The following TOPAZ1 variants were observed in gnomAD, a reference collection of about 807,000 sequenced individuals.
TOPAZ1 encodes the protein protein TOPAZ1.
A neutral mutation model predicts 172.2 loss-of-function variants in TOPAZ1; 66 were observed. The ratio of observed to expected loss-of-function variants is 0.38; its 90% CI spans 0.31 to 0.47. TOPAZ1 has a LOEUF of 0.47. Ranked by LOEUF, TOPAZ1 falls within the 20% of genes least tolerant of loss-of-function variation. The pLI is 0.99. For synonymous variants in TOPAZ1, 681 were observed against 683.9 expected, an observed-to-expected ratio of 1.00 and a Z score of 0.07; for missense variants, 1,822 against 1,972.4, an observed-to-expected ratio of 0.92 and a Z score of 1.44.
At chr3:44,294,658 T>C (rs568619879) in intron 12 of TOPAZ1, among the ~76,000 whole-genome samples, 8 of 152,272 alleles carry the variant, frequency 5.3e-5, no homozygotes, top group African/African-American at 9.6e-5. Flanking sequence ...CGTGCCATTG[T>C]GCCCTAGCTA....
At chr3:44,316,792 T>G (rs1343330039) in intron 16 of TOPAZ1, among the ~76,000 whole-genome samples, 1 of 152,224 alleles carries the variant, frequency 6.6e-6, no homozygotes, top group Non-Finnish European at 1.5e-5. Context: ...TTTATTTATT[T>G]CCCCAAAATG....
At chr3:44,293,638 C>T (rs1700163781) in intron 12 of TOPAZ1, among the ~76,000 whole-genome samples, 1 of 152,144 alleles carries the variant, frequency 6.6e-6, no homozygotes, top group South Asian at 2.1e-4. Context: ...CTGTTTTAAG[C>T]TGGGTGTTGT....
intron 17 of TOPAZ1, among the ~76,000 whole-genome samples, chr3:44,322,020 A>T (rs1158087357): frequency 6.6e-6 from 1 of 152,196 alleles, no homozygotes; most frequent in Non-Finnish European, 1.5e-5. Flanking sequence ...TTCTCTGTGT[A>T]TAAAAAGGGA....
chr3:44,274,324 C>T (rs1384461052), intron 8 of TOPAZ1, among the ~76,000 whole-genome samples: 1 of 151,172 alleles, frequency 6.6e-6, no homozygotes. Flanking sequence ...TCACTTGAAC[C>T]CAGGAGGTGG....
intron 5 of TOPAZ1, among the ~76,000 whole-genome samples, chr3:44,266,295 T>G (rs547482368): frequency 6.6e-6 from 1 of 152,236 alleles, no homozygotes; most frequent in Non-Finnish European, 1.5e-5. Flanking sequence ...TAAGACTGTT[T>G]CACTTTCTTT....
Position 44,267,082 on chromosome 3 carries a change from C to T in TOPAZ1, c.3106C>T (p.Pro1036Ser). Reference protein sequence around the residue: ...VPKPLCLLVPPLNLSGRQEDT... With the variant: ...VPKPLCLLVPSLNLSGRQEDT... ...GAAACCTCTGTGTTTATTAGTACCT[C>T]CTTTGAATCTAAGTGGTCGTCAAGA... The change falls in exon 6 of 20, where the codon CCT becomes TCT. Residue 1036 changes from proline (P) to serine (S), a missense_variant. Physicochemically the swap from Pro to Ser is moderately conservative, Grantham distance 74. Coordinates refer to ENST00000309765, the MANE Select transcript of TOPAZ1 (RefSeq NM_001145030.2). 6.5e-7 allele frequency: 1 copy of T among 1,547,958 alleles called. No individual in the cohort carries two copies. The highest frequency in any genetic ancestry group is 8.7e-7 in the Non-Finnish European group (1 of 1,145,390).
At chr3:44,242,483 G>C (rs928299589) in intron 1 of TOPAZ1, 84 bp downstream of exon 1, 2 of 1,350,056 alleles carry the variant, frequency 1.5e-6, no homozygotes, top group Non-Finnish European at 2.0e-6. Context: ...TCTTTAACTT[G>C]AACCTGCATG....
intron 19 of TOPAZ1, among the ~76,000 whole-genome samples, chr3:44,329,324 T>A (rs1700638167): frequency 6.6e-6 from 1 of 152,212 alleles, no homozygotes; most frequent in African/African-American, 2.4e-5. Context: ...TTTAGTCACC[T>A]ACGTGATAGC....
At chr3:44,249,491 G>C (rs750724845) in intron 2 of TOPAZ1, among the ~76,000 whole-genome samples, 1 of 152,110 alleles carries the variant, frequency 6.6e-6, no homozygotes, top group Non-Finnish European at 1.5e-5. Flanking sequence ...GTGTACAGAA[G>C]GTTAAAGGTT....
intron 12 of TOPAZ1, among the ~76,000 whole-genome samples, chr3:44,299,567 A>G (rs1025789042): frequency 6.6e-6 from 1 of 152,104 alleles, no homozygotes; most frequent in Non-Finnish European, 1.5e-5. Context: ...ATCTAGAACT[A>G]GAAATACCAT....
At position 44,242,868 on chromosome 3, in the gene TOPAZ1, A is replaced by G. The variant is rs1171783164; in HGVS notation, c.362A>G (p.Lys121Arg). The change falls in exon 2 of 20, where the codon AAA becomes AGA. Residue 121 changes from lysine (K) to arginine (R), a missense_variant. Lys to Arg is a conservative substitution (Grantham distance 26, BLOSUM62 2). Transcript: ENST00000309765. Reference protein sequence around the residue: ...QTERHTKEKRKVTEASSDDPQ... With the variant: ...QTERHTKEKRRVTEASSDDPQ... ...TTTTGATCAGCCAAGGAAAAAAGAAAAGTTACTGAAGCCTCAAGTGATGAT... is the reference window on the plus strand; with the variant it reads ...TTTTGATCAGCCAAGGAAAAAAGAAGAGTTACTGAAGCCTCAAGTGATGAT... The G allele has an allele frequency of 1.3e-6, 2 of 1,502,188 alleles. No individual in the cohort carries two copies. The highest frequency in any genetic ancestry group is 1.8e-6 in the Non-Finnish European group (2 of 1,129,898). The allele number at this position is 1,502,188 out of a possible 1,614,324, so 93.1% of individuals were successfully genotyped here. A position where few individuals can be genotyped will look rare whatever the true frequency, so the allele number is the denominator to read the frequency against.
At chr3:44,292,265 T>C (rs1301146185) in intron 12 of TOPAZ1, among the ~76,000 whole-genome samples, 1 of 152,192 alleles carries the variant, frequency 6.6e-6, no homozygotes, top group Non-Finnish European at 1.5e-5. Context: ...TTAGGCTAAA[T>C]AGATTTTGGG....
In TOPAZ1 at chr3:44,270,747, A is replaced by G. The variant is rs1309522477; in HGVS notation, c.3309A>G (p.Thr1103=). The G allele has an allele frequency of 1.3e-6, 2 of 1,550,790 alleles. No individual in the cohort carries two copies. The highest frequency in any genetic ancestry group is 1.7e-6 in the Non-Finnish European group (2 of 1,146,470). ...AATATTGCAAATTTCATTTTAATAC[A>G]TTACGTGGCTGTGAGCGACCACTGT... ...PYKYCKFHFN[T]LRGCERPLCK... Residue 1103 remains threonine (T), a synonymous_variant, in exon 8 of 20, where the codon ACA becomes ACG. Transcript: ENST00000309765.
At chr3:44,322,767 A>C (rs960637813) in intron 17 of TOPAZ1, among the ~76,000 whole-genome samples, 1 of 152,082 alleles carries the variant, frequency 6.6e-6, no homozygotes, top group Non-Finnish European at 1.5e-5. Flanking sequence ...GCAAAAAAAC[A>C]TAAAAATTAG....
At chr3:44,247,588 G>A (rs1699580536) in intron 2 of TOPAZ1, among the ~76,000 whole-genome samples, 1 of 152,012 alleles carries the variant, frequency 6.6e-6, no homozygotes, top group Non-Finnish European at 1.5e-5. Context: ...CTCATTATTA[G>A]TACTCTATTT....
At position 44,245,028 on chromosome 3, in the gene TOPAZ1, T is replaced by A. The variant is rs955082784; in HGVS notation, c.2522T>A (p.Ile841Lys). 14 of 1,551,388 alleles carry A rather than the reference T, an allele frequency of 9.0e-6. No individual in the cohort carries two copies. The highest frequency in any genetic ancestry group is 8.7e-6 in the Non-Finnish European group (10 of 1,146,964). ...PVSSEVRGRK[I>K]TKNFSEVGFP... ...TCCAGTGAAGTTAGGGGTAGAAAAA[T>A]AACTAAGAATTTTTCAGAGGTAGGG... The change falls in exon 2 of 20, where the codon ATA becomes AAA. Residue 841 changes from isoleucine to lysine, a missense_variant. By Grantham distance (102) the Ile-to-Lys change is moderately radical. Around this residue, in one of 2 missense-constraint regions of TOPAZ1, gnomAD observed 1,489 missense variants for 1,490.8 expected, o/e 1.00. Coordinates refer to ENST00000309765, the MANE Select transcript of TOPAZ1 (RefSeq NM_001145030.2).
intron 7 of TOPAZ1, among the ~76,000 whole-genome samples, chr3:44,269,971 G>T (rs1410516861): frequency 6.6e-6 from 1 of 152,120 alleles, no homozygotes; most frequent in Non-Finnish European, 1.5e-5. Context: ...ATTTTGAATG[G>T]AGGTTTGTGG....
At chr3:44,260,370 G>A (rs973659843) in intron 4 of TOPAZ1, among the ~76,000 whole-genome samples, 1 of 152,106 alleles carries the variant, frequency 6.6e-6, no homozygotes, top group East Asian at 1.9e-4. Flanking sequence ...TTTTGACTTC[G>A]TTTAGGAGCT....
chr3:44,302,591 A>G (rs1351438047), intron 12 of TOPAZ1, among the ~76,000 whole-genome samples: 1 of 152,086 alleles, frequency 6.6e-6, no homozygotes, highest in Non-Finnish European at 1.5e-5. Context: ...AGAAGCTTTA[A>G]TAGTATGTTT....
Sources: gnomAD v4.1 joint callset for allele counts (sites outside exome capture counted in the v4.1 genomes callset) on GRCh38, gnomAD v4.1.1 for gene constraint, gnomAD v4.1.1 regional missense constraint, MANE v1.5 for transcripts, NCBI Gene and HGNC (gene_info 2026-07-23, HGNC 2026-07-21) for gene names.